The following MYO1D variants were observed in gnomAD, a reference collection of about 807,000 sequenced individuals.
The protein encoded by MYO1D is myosin ID, also known as unconventional myosin-Id.
MYO1D carries 83 observed loss-of-function variants against 122.0 expected under a neutral mutation model. The ratio of observed to expected loss-of-function variants is 0.68; its 90% CI spans 0.57 to 0.82. The LOEUF (loss-of-function observed/expected upper bound fraction) is 0.82. Ranked by LOEUF, MYO1D falls within the 40% of genes least tolerant of loss-of-function variation. The pLI is 0.00. For synonymous variants in MYO1D, 464 were observed against 446.9 expected, an observed-to-expected ratio of 1.04 and a Z score of -0.48; for missense variants, 1,157 against 1,269.5, an observed-to-expected ratio of 0.91 and a Z score of 1.35.
At chr17:32,745,328 C>T in intron 12 of MYO1D, 43 bp from the exon 13 acceptor site, 2 of 1,283,770 alleles carry the variant, frequency 1.6e-6, no homozygotes, top group Non-Finnish European at 2.2e-6. Flanking sequence ...ATTTACCAAG[C>T]AAGAGCCACA....
chr17:32,776,267 T>C (rs1261575660), intron 3 of MYO1D, among the ~76,000 whole-genome samples: 1 of 152,188 alleles, frequency 6.6e-6, no homozygotes, highest in Non-Finnish European at 1.5e-5. Context: ...GGTACATCAA[T>C]ATGTACTCAC....
At chr17:32,503,386 A>G (rs1456501413) in intron 21 of MYO1D, among the ~76,000 whole-genome samples, 1 of 152,232 alleles carries the variant, frequency 6.6e-6, no homozygotes, top group Non-Finnish European at 1.5e-5. Flanking sequence ...TGCAGAAGCC[A>G]GGCAGGACTT....
chr17:32,746,642 C>T (rs2089841196), intron 12 of MYO1D, among the ~76,000 whole-genome samples: 1 of 152,094 alleles, frequency 6.6e-6, no homozygotes, highest in Non-Finnish European at 1.5e-5. Flanking sequence ...ATGTATCTTA[C>T]ATGGCAGCCA....
At chr17:32,809,218 A>G (rs2090547951) in intron 1 of MYO1D, among the ~76,000 whole-genome samples, 1 of 151,312 alleles carries the variant, frequency 6.6e-6, no homozygotes, top group Non-Finnish European at 1.5e-5. Context: ...TCCTGAGCTC[A>G]AGCAATCATC....
At chr17:32,639,500 T>A (rs139362891) in intron 19 of MYO1D, among the ~76,000 whole-genome samples, 81 of 151,922 alleles carry the variant, frequency 5.3e-4, no homozygotes, top group African/African-American at 1.8e-3. Context: ...ACAGGATATT[T>A]TATAAGTAGT....
chr17:32,844,950 G>C (rs1490052013), intron 1 of MYO1D, among the ~76,000 whole-genome samples: 1 of 151,016 alleles, frequency 6.6e-6, no homozygotes, highest in Non-Finnish European at 1.5e-5. Flanking sequence ...TATATCTATT[G>C]ACACGTAAAA....
At chr17:32,687,253 G>A (rs925474727) in intron 16 of MYO1D, among the ~76,000 whole-genome samples, 1 of 148,466 alleles carries the variant, frequency 6.7e-6, no homozygotes, top group Non-Finnish European at 1.5e-5. Context: ...CTGGAGTGCA[G>A]TGGCGCGATC....
chr17:32,594,952 GA>G (rs2087477329), intron 21 of MYO1D, among the ~76,000 whole-genome samples: 1 of 152,158 alleles, frequency 6.6e-6, no homozygotes, highest in Non-Finnish European at 1.5e-5. Flanking sequence ...AGTTGTTAAA[GA>G]AAAGTGAATG....
Position 32,659,284 on chromosome 17 carries a change from T to G in MYO1D, c.2176A>C (p.Thr726Pro), listed in dbSNP as rs772533161. Residue 726 changes from threonine to proline, a missense_variant, in exon 17 of 22, where the codon ACA (threonine) becomes CCA (proline). Physicochemically the swap from Thr to Pro is conservative, Grantham distance 38. Transcript: ENST00000318217. ...TAGCGCCGGTAGTACCTGATTATTGTCAGAGCTGCCTTGGTTCTTTTGTAC... is the reference window on the plus strand; with the variant it reads ...TAGCGCCGGTAGTACCTGATTATTGGCAGAGCTGCCTTGGTTCTTTTGTAC... ...MRYKRTKAALTIIRYYRRYKV... is the reference protein window; with the variant it reads ...MRYKRTKAALPIIRYYRRYKV... 1 of 1,614,238 alleles carries G rather than the reference T, an allele frequency of 6.2e-7. No individual in the cohort carries two copies. The highest frequency in any genetic ancestry group is 1.1e-5 in the South Asian group (1 of 91,086).
intron 5 of MYO1D, 47 bp from the exon 6 acceptor site, chr17:32,771,267 C>A: frequency 2.2e-6 from 3 of 1,343,816 alleles, no homozygotes; most frequent in Non-Finnish European, 2.1e-6. Flanking sequence ...ATACATTGAA[C>A]CAAACATGAA....
chr17:32,527,199 T>C (rs933406331), intron 21 of MYO1D, among the ~76,000 whole-genome samples: 1 of 152,156 alleles, frequency 6.6e-6, no homozygotes, highest in South Asian at 2.1e-4. Flanking sequence ...GCTTTAAAAA[T>C]GGCCACATGA....
chr17:32,723,161 C>T (rs1239852349), intron 14 of MYO1D, among the ~76,000 whole-genome samples: 1 of 152,092 alleles, frequency 6.6e-6, no homozygotes, highest in Non-Finnish European at 1.5e-5. Flanking sequence ...CGCTTGGACC[C>T]GAGTTCTGTG....
intron 21 of MYO1D, among the ~76,000 whole-genome samples, chr17:32,557,085 T>C (rs1042442821): frequency 6.6e-6 from 1 of 151,886 alleles, no homozygotes; most frequent in Non-Finnish European, 1.5e-5. Flanking sequence ...TTCAGTGAAA[T>C]GATGTGTGCC....
At chr17:32,511,232 T>A (rs188818365) in intron 21 of MYO1D, among the ~76,000 whole-genome samples, 1 of 152,210 alleles carries the variant, frequency 6.6e-6, no homozygotes, top group Admixed American at 6.5e-5. Flanking sequence ...CTCTGTTTTT[T>A]TTTTTGGAAA....
chr17:32,567,629 A>G (rs1477806284), intron 21 of MYO1D, among the ~76,000 whole-genome samples: 5 of 152,346 alleles, frequency 3.3e-5, no homozygotes, highest in African/African-American at 1.2e-4. Flanking sequence ...TCAAGCATGA[A>G]CATGCTAAGA....
intron 8 of MYO1D, among the ~76,000 whole-genome samples, chr17:32,763,600 C>A (rs1230395785): frequency 1.3e-5 from 2 of 152,092 alleles, no homozygotes; most frequent in Non-Finnish European, 2.9e-5. Flanking sequence ...TACCATGCAG[C>A]CATAAAATCA....
chr17:32,549,511 A>G (rs149980825), intron 21 of MYO1D, among the ~76,000 whole-genome samples: 10 of 152,274 alleles, frequency 6.6e-5, no homozygotes, highest in East Asian at 5.8e-4. Context: ...TGACTTTCTA[A>G]TTTACGAAGC....
intron 21 of MYO1D, chr17:32,602,466 T>C (rs536403665): frequency 6.6e-6 from 1 of 152,326 alleles, no homozygotes; most frequent in East Asian, 1.9e-4. Flanking sequence ...TAAGATTTAT[T>C]AGGTGGTACC....
intron 21 of MYO1D, among the ~76,000 whole-genome samples, chr17:32,603,778 G>A (rs181317358): frequency 6.6e-6 from 1 of 152,098 alleles, no homozygotes; most frequent in Non-Finnish European, 1.5e-5. Context: ...GCCCGCCTCA[G>A]CCTCCCAAAG....
Sources: allele counts gnomAD v4.1 joint callset (sites outside exome capture counted in the v4.1 genomes callset), GRCh38; gene constraint gnomAD v4.1.1; transcripts MANE v1.5; gene names NCBI Gene and HGNC (gene_info 2026-07-23, HGNC 2026-07-21).